The following EXD2 variants were observed in gnomAD, a reference collection of about 807,000 sequenced individuals.
EXD2 encodes the protein exonuclease 3'-5' domain containing 2, also known as exonuclease 3'-5' domain-containing protein 2.
In EXD2, 40 loss-of-function variants were observed where a neutral mutation model predicts 62.5. That is an observed-to-expected ratio of 0.64 (90% confidence interval 0.50 to 0.83). The LOEUF (loss-of-function observed/expected upper bound fraction) is 0.83, where lower values mean the gene tolerates loss of function less well. Ranked by LOEUF, EXD2 falls within the 40% of genes least tolerant of loss-of-function variation. The pLI is 0.00. For missense variants in EXD2, 671 were observed against 761.8 expected (o/e 0.88, Z 1.40); for synonymous variants, 239 against 291.9 (o/e 0.82, Z 1.85).
chr14:69,219,781 T>C (rs1352366316), intron 3 of EXD2, among the ~76,000 whole-genome samples: 1 of 152,216 alleles, frequency 6.6e-6, no homozygotes, highest in Non-Finnish European at 1.5e-5. Context: ...TCTTTGAAAA[T>C]GACCATTTTA....
chr14:69,202,112 G>T (rs1376428161), intron 1 of EXD2, among the ~76,000 whole-genome samples: 2 of 151,984 alleles, frequency 1.3e-5, no homozygotes, highest in Non-Finnish European at 2.9e-5. Context: ...GCAACCTGGC[G>T]AAACCCCGTT....
chr14:69,203,679 AGGT>A (rs1467848437), intron 1 of EXD2, among the ~76,000 whole-genome samples: 1 of 152,258 alleles, frequency 6.6e-6, no homozygotes, highest in Non-Finnish European at 1.5e-5. Context: ...GTCAGAGACT[AGGT>A]CATGATCTGT....
In EXD2 at chr14:69,242,248, G is replaced by C; in HGVS notation, c.*1148G>C. 2.6e-6 allele frequency: 1 copy of C among 386,038 alleles called. No homozygotes were observed. Among genetic ancestry groups the C allele is most frequent in the Non-Finnish European group, 4.6e-6 (1 of 219,116 alleles). 23.9% of individuals were successfully genotyped at this position (386,038 alleles called of 1,614,324 possible). ...TTCTTATTTTATAAGATCTTAACAA[G>C]CTTAAAAAAGAATTTTATGACCAGA... On this transcript the variant is annotated 3_prime_UTR_variant, in exon 10 of 10. Transcript: ENST00000685843.
chr14:69,233,152 A>C (rs1228243136), intron 5 of EXD2, among the ~76,000 whole-genome samples: 3 of 152,208 alleles, frequency 2.0e-5, no homozygotes, highest in Non-Finnish European at 2.9e-5. Flanking sequence ...ATAATGTGTT[A>C]GAGGGAACTC....
intron 3 of EXD2, among the ~76,000 whole-genome samples, chr14:69,211,277 A>G (rs2042797277): frequency 6.6e-6 from 1 of 152,054 alleles, no homozygotes; most frequent in Non-Finnish European, 1.5e-5. Context: ...AGTAGATTCC[A>G]TCTCAAGAAA....
chr14:69,202,113 A>G (rs2042428057), intron 1 of EXD2, among the ~76,000 whole-genome samples: 1 of 152,244 alleles, frequency 6.6e-6, no homozygotes, highest in South Asian at 2.1e-4. Context: ...CAACCTGGCG[A>G]AACCCCGTTT....
intron 5 of EXD2, among the ~76,000 whole-genome samples, chr14:69,232,449 T>C (rs2043620113): frequency 6.6e-6 from 1 of 152,238 alleles, no homozygotes; most frequent in Non-Finnish European, 1.5e-5. Flanking sequence ...AGTTACCACT[T>C]GTTCATCCTT....
Position 69,240,887 on chromosome 14 carries a change from C to T in EXD2, c.1653C>T (p.Ile551=). ...LQEAASLETR[I]SNENYVPHGL... Reference sequence around the variant, plus strand: ...TTTGTTTTTCATGTTTTGGCAGAATCTCCAATGAAAACTATGTTCCTCACG... The same window carrying T: ...TTTGTTTTTCATGTTTTGGCAGAATTTCCAATGAAAACTATGTTCCTCACG... Residue 551 remains isoleucine, a synonymous_variant, in exon 10 of 10, where the codon ATC becomes ATT. Transcript: ENST00000685843. The T allele has an allele frequency of 6.2e-7, 1 of 1,611,444 alleles. No individual in the cohort carries two copies. Among genetic ancestry groups the T allele is most frequent in the Non-Finnish European group, 8.5e-7 (1 of 1,178,066 alleles).
intron 1 of EXD2, among the ~76,000 whole-genome samples, chr14:69,197,405 C>T (rs776192157): frequency 2.6e-5 from 4 of 151,038 alleles, no homozygotes; most frequent in Admixed American, 6.6e-5. Context: ...TTCGCTGTCT[C>T]GATGGTTGAT....
intron 3 of EXD2, chr14:69,227,889 T>C (rs2043417663): frequency 6.6e-6 from 1 of 151,888 alleles, no homozygotes; most frequent in Non-Finnish European, 1.5e-5. Context: ...TTTTTGTATC[T>C]TTTAAGATTT....
chr14:69,206,422 G>C lies in EXD2; in HGVS notation c.-48+2422G>C, dbSNP rs563717257. ...CAGCGCTGGGGCTGGCATGAGTTCT[G>C]GTCTCTGCCCAGCTTCATCTCCCAC... On this transcript the variant is annotated intron_variant, in intron 2 of 9. Coordinates refer to ENST00000685843, the MANE Select transcript of EXD2 (RefSeq NM_001193360.2). 2.6e-4 allele frequency among the ~76,000 whole-genome samples: 37 copies of C among 144,174 alleles called. No individual in the cohort carries two copies. In the South Asian group the frequency reaches 7.2e-3, roughly 28 times the overall value. 94.6% of individuals were successfully genotyped at this position (144,174 alleles called of 152,430 possible). A position where few individuals can be genotyped will look rare whatever the true frequency, so the allele number is the denominator to read the frequency against.
At chr14:69,205,834 A>G (rs549492706) in intron 2 of EXD2, among the ~76,000 whole-genome samples, 1 of 152,078 alleles carries the variant, frequency 6.6e-6, no homozygotes, top group Non-Finnish European at 1.5e-5. Flanking sequence ...GTTCCCTTTT[A>G]TGAGGATAAT....
chr14:69,201,672 G>GT (rs71102634), intron 1 of EXD2, among the ~76,000 whole-genome samples: 634 of 59,008 alleles, frequency 0.011, 84 homozygotes, highest in African/African-American at 0.016. Flanking sequence ...TGTTTTCTCT[G>GT]TTTTTTTTTT....
chr14:69,206,455 C>CTTTTTTTTT (rs56333403), intron 2 of EXD2, among the ~76,000 whole-genome samples: 5 of 94,640 alleles, frequency 5.3e-5, no homozygotes, highest in African/African-American at 2.3e-4. Context: ...CACCCACCCA[C>CTTTTTTTTT]TTTTTTTTTT....
At chr14:69,205,517 G>T (rs1382492055) in intron 2 of EXD2, among the ~76,000 whole-genome samples, 1 of 152,076 alleles carries the variant, frequency 6.6e-6, no homozygotes, top group East Asian at 1.9e-4. Flanking sequence ...TATCTAGAAT[G>T]TATATATTTT....
chr14:69,196,608 C>T (rs1008999225), intron 1 of EXD2, among the ~76,000 whole-genome samples: 1 of 145,520 alleles, frequency 6.9e-6, no homozygotes, highest in Non-Finnish European at 1.5e-5. Flanking sequence ...AATTTCTCCA[C>T]ATTATTGCCA....
Position 69,234,831 on chromosome 14 carries a change from A to G in EXD2, c.849A>G (p.Lys283=). The G allele has an allele frequency of 6.2e-7, 1 of 1,614,226 alleles. No individual in the cohort carries two copies. The highest frequency in any genetic ancestry group is 8.5e-7 in the Non-Finnish European group (1 of 1,180,038). ...DHSSWRKVLE[K]CQGVVDIPFR... ...GTAGCTGGAGAAAAGTCTTGGAAAA[A>G]TGCCAGGGTGTGGTCGACATCCCAT... The change falls in exon 6 of 10, where the codon AAA becomes AAG. Residue 283 remains lysine (K), a synonymous_variant. Coordinates refer to ENST00000685843, the MANE Select transcript of EXD2 (RefSeq NM_001193360.2).
chr14:69,236,290 C>A lies in EXD2; in HGVS notation c.1157-117C>A. 2.5e-6 allele frequency: 4 copies of A among 1,568,896 alleles called. No individual in the cohort carries two copies. In the South Asian group the frequency reaches 4.5e-5, roughly 18 times the overall value. ...GATGCATGGGACTGGGTAGGCACAACCCAGAAATCATGTTCTCTGCCAGGC... is the reference window on the plus strand; with the variant it reads ...GATGCATGGGACTGGGTAGGCACAAACCAGAAATCATGTTCTCTGCCAGGC... On this transcript the variant is annotated intron_variant, in intron 7 of 9. Coordinates refer to ENST00000685843, the MANE Select transcript of EXD2 (RefSeq NM_001193360.2).
chr14:69,231,010 T>C (rs1467001479), intron 5 of EXD2, among the ~76,000 whole-genome samples: 2 of 152,152 alleles, frequency 1.3e-5, no homozygotes, highest in African/African-American at 4.8e-5. Flanking sequence ...GTCTCGAACT[T>C]CTGACCTCAA....
Sources: allele counts gnomAD v4.1 joint callset (sites outside exome capture counted in the v4.1 genomes callset), GRCh38; gene constraint gnomAD v4.1.1; transcripts MANE v1.5; gene names NCBI Gene and HGNC (gene_info 2026-07-23, HGNC 2026-07-21).